STK4: variants seen among roughly 807,000 people sequenced by gnomAD.
STK4 encodes serine/threonine kinase 4, also known as serine/threonine-protein kinase 4.
STK4 carries 30 observed loss-of-function variants against 64.9 expected under a neutral mutation model. That is an observed-to-expected ratio of 0.46 (90% CI 0.35 to 0.63). The LOEUF (loss-of-function observed/expected upper bound fraction) is 0.63, where lower values mean the gene tolerates loss of function less well. Ranked by LOEUF, STK4 falls within the 20% of genes least tolerant of loss-of-function variation. STK4 has a pLI of 0.01. For synonymous variants in STK4, 177 were observed against 199.0 expected, an observed-to-expected ratio of 0.89 and a Z score of 0.93; for missense variants, 466 against 598.5, an observed-to-expected ratio of 0.78 and a Z score of 2.31.
chr20:45,053,424 G>A (rs1366888419), intron 10 of STK4, among the ~76,000 whole-genome samples: 2 of 152,134 alleles, frequency 1.3e-5, no homozygotes, highest in Admixed American at 1.3e-4. Flanking sequence ...TGCTTGGCAG[G>A]CTTCTTCTTT....
chr20:44,994,284 G>C (rs532277170), intron 5 of STK4, among the ~76,000 whole-genome samples: 2 of 149,528 alleles, frequency 1.3e-5, no homozygotes, highest in African/African-American at 4.9e-5. Flanking sequence ...TAATGGTTTG[G>C]TGTGTATTAC....
intron 9 of STK4, among the ~76,000 whole-genome samples, chr20:45,012,039 ATTT>A (rs1295816943): frequency 1.4e-5 from 2 of 142,310 alleles, no homozygotes; most frequent in Non-Finnish European, 1.5e-5. Flanking sequence ...TCCGATACAA[ATTT>A]TTTTTTTTTT....
At chr20:44,984,149 C>A in intron 4 of STK4, among the ~76,000 whole-genome samples, 1 of 134,952 alleles carries the variant, frequency 7.4e-6, no homozygotes, top group East Asian at 2.2e-4. Context: ...TAAATTTTAA[C>A]TTAATTACTA....
chr20:45,036,775 A>C (rs1488714092), intron 10 of STK4, among the ~76,000 whole-genome samples: 1 of 152,152 alleles, frequency 6.6e-6, no homozygotes, highest in Non-Finnish European at 1.5e-5. Flanking sequence ...TATAAATTAA[A>C]CTTCATTATA....
chr20:45,034,385 G>C (rs1426171927), intron 10 of STK4, among the ~76,000 whole-genome samples: 1 of 152,074 alleles, frequency 6.6e-6, no homozygotes, highest in Admixed American at 6.5e-5. Flanking sequence ...ACTAGAAACA[G>C]AATATGGCAG....
At chr20:44,981,601 T>C (rs2067440812) in intron 3 of STK4, among the ~76,000 whole-genome samples, 1 of 152,204 alleles carries the variant, frequency 6.6e-6, no homozygotes, top group South Asian at 2.1e-4. Context: ...ATTGTAGACA[T>C]AGAAATGCTG....
intron 5 of STK4, among the ~76,000 whole-genome samples, chr20:44,992,190 A>T (rs936637586): frequency 1.3e-5 from 2 of 151,844 alleles, no homozygotes; most frequent in African/African-American, 4.8e-5. Flanking sequence ...TGTCATGCTT[A>T]AAAAATCCTT....
Position 45,039,215 on chromosome 20 carries a change from A to G in STK4, c.1305+14085A>G, listed in dbSNP as rs147979499. Among the ~76,000 whole-genome samples, 6 of 152,232 alleles carry G rather than the reference A, an allele frequency of 3.9e-5. No individual in the cohort carries two copies. In the East Asian group the frequency reaches 7.7e-4, roughly 20 times the overall value. On this transcript the variant is annotated intron_variant, in intron 10 of 10. Coordinates refer to ENST00000372806, the MANE Select transcript of STK4 (RefSeq NM_006282.5). ...TTTTAAAATTTTGAGTGGAACTTTT[A>G]CTCACACATGATTTTGTAACATCAC...
At chr20:44,966,714 G>A (rs1007631589) in intron 1 of STK4, 111 bp downstream of exon 1, 3 of 1,182,654 alleles carry the variant, frequency 2.5e-6, no homozygotes, top group African/African-American at 3.2e-5. Context: ...CGACCCAGCC[G>A]ATGGGGCACC....
chr20:45,064,330 T>G (rs1979379359), intron 10 of STK4, among the ~76,000 whole-genome samples: 1 of 152,334 alleles, frequency 6.6e-6, no homozygotes, highest in South Asian at 2.1e-4. Context: ...ACTGTAGCCT[T>G]GTAGCCTAGT....
At chr20:44,971,692 A>C (rs1051700344) in intron 1 of STK4, among the ~76,000 whole-genome samples, 3 of 68,790 alleles carry the variant, frequency 4.4e-5, no homozygotes, top group Non-Finnish European at 7.9e-5. Context: ...TTTTTTTTTG[A>C]GACAGTCTCT....
In STK4 at chr20:45,075,403, C is replaced by T. The variant is rs139088556; in HGVS notation, c.*227C>T. 6.0e-5 allele frequency: 27 copies of T among 451,818 alleles called. No individual in the cohort carries two copies. Among genetic ancestry groups the T allele is most frequent in the Admixed American group, 1.8e-4 (5 of 28,192 alleles). The allele number at this position is 451,818 out of a possible 1,614,324, so 28.0% of individuals were successfully genotyped here. A position where few individuals can be genotyped will look rare whatever the true frequency, so the allele number is the denominator to read the frequency against. Reference sequence around the variant, plus strand: ...TATTATCTCAAAGGATTTATATTGGCGCTTTTAACTCAGAGTTTTAAACCC... The same window carrying T: ...TATTATCTCAAAGGATTTATATTGGTGCTTTTAACTCAGAGTTTTAAACCC... On this transcript the variant is annotated 3_prime_UTR_variant, in exon 11 of 11. Transcript: ENST00000372806.
At chr20:44,971,245 T>A (rs1296778853) in intron 1 of STK4, among the ~76,000 whole-genome samples, 1 of 152,198 alleles carries the variant, frequency 6.6e-6, no homozygotes, top group African/African-American at 2.4e-5. Context: ...TAGTCAGAAA[T>A]CTGAATTATC....
intron 10 of STK4, among the ~76,000 whole-genome samples, chr20:45,035,639 C>T (rs977023300): frequency 6.6e-6 from 1 of 152,160 alleles, no homozygotes; most frequent in East Asian, 1.9e-4. Context: ...ATAGATAAGA[C>T]TGCGAGATCT....
Position 44,966,541 on chromosome 20 carries a change from G to A in STK4, c.-28G>A, listed in dbSNP as rs199641028. The A allele has an allele frequency of 1.6e-6, 2 of 1,260,798 alleles. No individual in the cohort carries two copies. The highest frequency in any genetic ancestry group is 3.1e-5 in the African/African-American group (2 of 64,660). 78.1% of individuals were successfully genotyped at this position (1,260,798 alleles called of 1,614,324 possible). On this transcript the variant is annotated 5_prime_UTR_variant, in exon 1 of 11. Transcript: ENST00000372806. ...GGTCCGCGGGAGGATGGAGCAGTGA[G>A]CGGGTCTGGGCGGCTGCTGGCAGCG...
chr20:44,984,231 G>T (rs1390669474), intron 4 of STK4, among the ~76,000 whole-genome samples: 1 of 104,624 alleles, frequency 9.6e-6, no homozygotes, highest in Non-Finnish European at 1.7e-5. Context: ...TCCTTGCTCT[G>T]TTGCCCAGGC....
At chr20:45,046,482 A>G (rs1174035907) in intron 10 of STK4, among the ~76,000 whole-genome samples, 1 of 151,516 alleles carries the variant, frequency 6.6e-6, no homozygotes, top group Non-Finnish European at 1.5e-5. Context: ...CTCTGAAAAC[A>G]AAGGTATCTA....
At chr20:45,063,965 G>T (rs1979332484) in intron 10 of STK4, among the ~76,000 whole-genome samples, 2 of 152,052 alleles carry the variant, frequency 1.3e-5, no homozygotes, top group Admixed American at 1.3e-4. Flanking sequence ...CCGCCACTAT[G>T]CCCGGCTAAT....
At chr20:44,973,482 CT>C (rs35105801) in intron 2 of STK4, 3 of 152,252 alleles carry the variant, frequency 2.0e-5, no homozygotes. Flanking sequence ...CCATTTTCAG[CT>C]TTAGCTTGCC....
Sources: allele counts gnomAD v4.1 joint callset (sites outside exome capture counted in the v4.1 genomes callset), GRCh38; gene constraint gnomAD v4.1.1; transcripts MANE v1.5; gene names NCBI Gene and HGNC (gene_info 2026-07-23, HGNC 2026-07-21).